The following PMFBP1 variants were observed in gnomAD, a reference collection of about 807,000 sequenced individuals.
PMFBP1 encodes polyamine modulated factor 1 binding protein 1.
A neutral mutation model predicts 137.8 loss-of-function variants in PMFBP1; 131 were observed. The ratio of observed to expected loss-of-function variants is 0.95; its 90% confidence interval spans 0.82 to 1.10. The LOEUF (loss-of-function observed/expected upper bound fraction) is 1.10. Among genes scored for constraint, PMFBP1 ranks in the 50% least tolerant of loss-of-function variants. PMFBP1 has a pLI of 0.00. For synonymous variants in PMFBP1, 490 were observed against 450.4 expected, an observed-to-expected ratio of 1.09 and a Z score of -1.11; for missense variants, 1,199 against 1,175.4, an observed-to-expected ratio of 1.02 and a Z score of -0.29.
At chr16:72,199,978 A>G in the PMFBP1 span, among the ~76,000 whole-genome samples, 1 of 152,208 alleles carries the variant, frequency 6.6e-6, no homozygotes, top group Non-Finnish European at 1.5e-5. Context: ...AAGCAGCCCG[A>G]GAGGAAATGA....
At position 72,157,993 on chromosome 16, in the gene PMFBP1, G is replaced by A. The variant is rs550597489; in HGVS notation, c.166-3534C>T. Among the ~76,000 whole-genome samples the A allele has an allele frequency of 6.6e-5, 10 of 152,294 alleles. No individual in the cohort carries two copies. In the South Asian group the frequency reaches 2.1e-3, roughly 32 times the overall value. ...GTAACTGGGGAGATGGAATTTTAAT[G>A]AGATTAATTCAGTAAGAGCTGGGAC... On this transcript the variant is annotated intron_variant, in intron 3 of 20. Coordinates refer to ENST00000237353, the MANE Select transcript of PMFBP1 (RefSeq NM_031293.3).
At chr16:72,159,766 G>A (rs1409112634) in intron 3 of PMFBP1, among the ~76,000 whole-genome samples, 2 of 151,200 alleles carry the variant, frequency 1.3e-5, no homozygotes, top group African/African-American at 4.9e-5. Context: ...GTATCACAAA[G>A]GCACCAACTT....
chr16:72,192,776 C>G, the PMFBP1 span, among the ~76,000 whole-genome samples: 1 of 151,934 alleles, frequency 6.6e-6, no homozygotes, highest in African/African-American at 2.4e-5. Flanking sequence ...GTGGCACATG[C>G]CTGTAGTCCC....
chr16:72,232,311 A>C, the PMFBP1 span, among the ~76,000 whole-genome samples: 1 of 152,198 alleles, frequency 6.6e-6, no homozygotes. Context: ...AGCACAAGCT[A>C]TATGCAGGCT....
rs768153219 is a variant in PMFBP1, at chr16:72,132,842, G to A, written c.1353C>T (p.Asp451=). 1.2e-6 allele frequency: 2 copies of A among 1,614,216 alleles called. No homozygotes were observed. The highest frequency in any genetic ancestry group is 1.7e-6 in the Non-Finnish European group (2 of 1,180,042). The change falls in exon 10 of 21, where the codon GAC becomes GAT. Residue 451 remains aspartate (D), a synonymous_variant. Transcript: ENST00000237353. ...LEMTVKEAKQ[D]KSKEAECKAL... ...CCTTGCACTCCGCCTCCTTGGACTTGTCCTGCTTAGCCTCCTTGACTGTCA... is the reference window on the plus strand; with the variant it reads ...CCTTGCACTCCGCCTCCTTGGACTTATCCTGCTTAGCCTCCTTGACTGTCA...
chr16:72,222,936 G>T, the PMFBP1 span, among the ~76,000 whole-genome samples: 1 of 152,166 alleles, frequency 6.6e-6, no homozygotes, highest in Non-Finnish European at 1.5e-5. Context: ...GACAGCTGCA[G>T]TCTTATAGGT....
the PMFBP1 span, among the ~76,000 whole-genome samples, chr16:72,217,443 A>G: frequency 2.0e-5 from 3 of 152,156 alleles, no homozygotes; most frequent in Admixed American, 6.5e-5. Context: ...GAATCAGTTA[A>G]CAGTTTTCAA....
upstream of PMFBP1, among the ~76,000 whole-genome samples, chr16:72,173,521 A>G (rs12925943): frequency 0.071 from 10,865 of 152,334 alleles, 464 homozygotes; most frequent in Non-Finnish European, 0.098. Context: ...ATGAAAATAT[A>G]TTGAAATTTA....
intron 3 of PMFBP1, among the ~76,000 whole-genome samples, chr16:72,155,013 G>C (rs1440313289): frequency 6.6e-6 from 1 of 152,090 alleles, no homozygotes; most frequent in Non-Finnish European, 1.5e-5. Context: ...TGCGGATGCT[G>C]ACTCTGTGTG....
chr16:72,201,484 T>C, the PMFBP1 span, among the ~76,000 whole-genome samples: 17 of 152,316 alleles, frequency 1.1e-4, no homozygotes, highest in Admixed American at 5.9e-4. Context: ...CCTCTGAATA[T>C]CATAGTTAGA....
chr16:72,174,003 C>G (rs1362208657), upstream of PMFBP1: 3 of 152,382 alleles, frequency 2.0e-5, no homozygotes, highest in East Asian at 3.9e-4. Flanking sequence ...CCAGGCAACT[C>G]CTTTTTTGTA....
the PMFBP1 span, among the ~76,000 whole-genome samples, chr16:72,245,606 C>A: frequency 6.6e-6 from 1 of 152,210 alleles, no homozygotes; most frequent in Non-Finnish European, 1.5e-5. Flanking sequence ...ATGGCAATGG[C>A]TGACGATGGC....
At chr16:72,221,612 G>T in the PMFBP1 span, among the ~76,000 whole-genome samples, 2 of 152,198 alleles carry the variant, frequency 1.3e-5, no homozygotes, top group Admixed American at 1.3e-4. Flanking sequence ...GCTGGAGGGA[G>T]AGTATGGGGA....
intron 2 of PMFBP1, among the ~76,000 whole-genome samples, chr16:72,170,278 G>A (rs138239904): frequency 2.6e-5 from 4 of 151,488 alleles, no homozygotes; most frequent in African/African-American, 7.3e-5. Flanking sequence ...CAGTAATGCA[G>A]CAGGAAAGGA....
chr16:72,205,706 G>T, the PMFBP1 span, among the ~76,000 whole-genome samples: 2 of 152,166 alleles, frequency 1.3e-5, no homozygotes, highest in Non-Finnish European at 2.9e-5. Flanking sequence ...CACACATGCA[G>T]GGCCCTTTTG....
chr16:72,212,407 C>A, the PMFBP1 span, among the ~76,000 whole-genome samples: 10 of 151,430 alleles, frequency 6.6e-5, no homozygotes, highest in South Asian at 2.1e-4. Context: ...GTACATGTGC[C>A]AAATCCAGCC....
intron 13 of PMFBP1, 22 bp downstream of exon 13, chr16:72,129,044 C>G (rs781625501): frequency 6.2e-7 from 1 of 1,611,216 alleles, no homozygotes; most frequent in South Asian, 1.1e-5. Flanking sequence ...TGACCCAGCT[C>G]TCCTGGGATT....
intron 13 of PMFBP1, 62 bp downstream of exon 13, chr16:72,129,004 C>T: frequency 1.3e-6 from 2 of 1,571,728 alleles, no homozygotes; most frequent in South Asian, 2.4e-5. Flanking sequence ...CCTGGAGGCC[C>T]AGGTGGGGTC....
At chr16:72,209,981 T>C in the PMFBP1 span, among the ~76,000 whole-genome samples, 1 of 152,320 alleles carries the variant, frequency 6.6e-6, no homozygotes, top group East Asian at 1.9e-4. Context: ...CCTTCCATTG[T>C]TCCTTTCACC....
Sources: gnomAD v4.1 joint callset for allele counts (sites outside exome capture counted in the v4.1 genomes callset) on GRCh38, gnomAD v4.1.1 for gene constraint, MANE v1.5 for transcripts, NCBI Gene and HGNC (gene_info 2026-07-23, HGNC 2026-07-21) for gene names.